The following PLCL2 variants were observed in gnomAD, a reference collection of about 807,000 sequenced individuals.
The protein encoded by PLCL2 is phospholipase C like 2.
PLCL2 carries 4 observed loss-of-function variants against 79.6 expected under a neutral mutation model. The ratio of observed to expected loss-of-function variants is 0.05; its 90% confidence interval spans 0.02 to 0.11. The LOEUF (loss-of-function observed/expected upper bound fraction) is 0.11, where lower values mean the gene tolerates loss of function less well. Ranked by LOEUF, PLCL2 falls within the 10% of genes least tolerant of loss-of-function variation. The probability of loss-of-function intolerance (pLI) is 1.00; values close to 1 mark genes in which losing one functional copy is unlikely to be tolerated. For missense variants in PLCL2, 895 were observed against 1,291.0 expected, an observed-to-expected ratio of 0.69 and a Z score of 4.70; for synonymous variants, 484 against 457.7, an observed-to-expected ratio of 1.06 and a Z score of -0.73.
Position 17,009,678 on chromosome 3 carries a change from G to T in PLCL2, c.332G>T (p.Gly111Val), listed in dbSNP as rs771118894. Reference protein sequence around the residue: ...LPRRSSIIKDGTKQKRERKKT... With the variant: ...LPRRSSIIKDVTKQKRERKKT... Reference sequence around the variant, plus strand: ...ACGGTCTTTTTTTCCTCTCAGGATGGTACAAAACAGAAGAGGGAACGGAAA... The same window carrying T: ...ACGGTCTTTTTTTCCTCTCAGGATGTTACAAAACAGAAGAGGGAACGGAAA... The change falls in exon 2 of 6, where the codon GGT (glycine) becomes GTT (valine). Residue 111 changes from glycine to valine, a missense_variant. Transcript: ENST00000615277. The surrounding 1 kb of genome is among the most constrained non-coding windows in gnomAD (Gnocchi z 4.0). 1.9e-5 allele frequency: 30 copies of T among 1,582,848 alleles called. No homozygotes were observed. Among genetic ancestry groups the T allele is most frequent in the Non-Finnish European group, 2.5e-5 (29 of 1,154,062 alleles).
At chr3:17,027,835 A>G (rs2064534784) in intron 3 of PLCL2, among the ~76,000 whole-genome samples, 1 of 152,236 alleles carries the variant, frequency 6.6e-6, no homozygotes, top group South Asian at 2.1e-4. Flanking sequence ...AGAAACCTAA[A>G]GAAACAAGAG....
chr3:16,994,324 A>G (rs1406346433), intron 1 of PLCL2, among the ~76,000 whole-genome samples: 1 of 152,106 alleles, frequency 6.6e-6, no homozygotes, highest in Non-Finnish European at 1.5e-5. Flanking sequence ...GGCCATGCAG[A>G]TATTGACGTT....
chr3:17,070,089 G>C (rs2065048375), intron 5 of PLCL2, among the ~76,000 whole-genome samples: 1 of 152,082 alleles, frequency 6.6e-6, no homozygotes, highest in African/African-American at 2.4e-5. Context: ...ATAGACATAG[G>C]GACCAAACTT....
intron 3 of PLCL2, among the ~76,000 whole-genome samples, chr3:17,021,631 C>CACA (rs33962872): frequency 2.8e-5 from 4 of 142,822 alleles, no homozygotes; most frequent in Admixed American, 1.4e-4. Flanking sequence ...CACACACACA[C>CACA]CCCAGATACT....
At chr3:17,088,696 A>G (rs554137566) in intron 5 of PLCL2, among the ~76,000 whole-genome samples, 4 of 152,298 alleles carry the variant, frequency 2.6e-5, no homozygotes, top group African/African-American at 7.2e-5. Flanking sequence ...AATGTCTGCA[A>G]ACATTAGGGT....
intron 1 of PLCL2, among the ~76,000 whole-genome samples, chr3:16,977,854 T>C (rs2063942648): frequency 1.3e-5 from 2 of 152,244 alleles, no homozygotes; most frequent in Non-Finnish European, 2.9e-5. Flanking sequence ...CCAATAGATT[T>C]AGCAGAGGTT....
intron 3 of PLCL2, among the ~76,000 whole-genome samples, chr3:17,039,813 G>A (rs1271670846): frequency 6.6e-6 from 1 of 152,144 alleles, no homozygotes; most frequent in Non-Finnish European, 1.5e-5. Flanking sequence ...CCACCCTGAA[G>A]TATTAGTCAT....
intron 4 of PLCL2, among the ~76,000 whole-genome samples, chr3:17,046,778 G>C (rs1161960589): frequency 6.6e-6 from 1 of 152,116 alleles, no homozygotes; most frequent in Non-Finnish European, 1.5e-5. Flanking sequence ...CTGGTCTTGG[G>C]GGGCCTGACA....
At chr3:17,050,712 C>A (rs1428217713) in intron 4 of PLCL2, among the ~76,000 whole-genome samples, 1 of 152,086 alleles carries the variant, frequency 6.6e-6, no homozygotes, top group Non-Finnish European at 1.5e-5. Context: ...TAAATTAGTA[C>A]AACCATTATG....
intron 1 of PLCL2, among the ~76,000 whole-genome samples, chr3:16,947,222 T>G (rs1051353192): frequency 3.3e-5 from 5 of 152,092 alleles, no homozygotes; most frequent in South Asian, 4.1e-4. Context: ...AGTGCTGGGA[T>G]TATAGGCGCG....
At chr3:17,006,496 T>C (rs938812678) in intron 1 of PLCL2, among the ~76,000 whole-genome samples, 1 of 152,214 alleles carries the variant, frequency 6.6e-6, no homozygotes, top group African/African-American at 2.4e-5. Flanking sequence ...CTCTTCCTTA[T>C]TGGTCTCTAA....
intron 4 of PLCL2, among the ~76,000 whole-genome samples, chr3:17,060,348 T>G (rs1440082925): frequency 6.6e-6 from 1 of 152,238 alleles, no homozygotes; most frequent in Non-Finnish European, 1.5e-5. Context: ...ACCTGGTTTA[T>G]CTTTTCCATC....
chr3:16,944,057 C>T (rs2063579564), intron 1 of PLCL2, among the ~76,000 whole-genome samples: 1 of 152,162 alleles, frequency 6.6e-6, no homozygotes, highest in Non-Finnish European at 1.5e-5. Context: ...AATCACAGTG[C>T]AGGGATCCAA....
chr3:16,956,693 G>A (rs2124964778), intron 1 of PLCL2, among the ~76,000 whole-genome samples: 1 of 152,162 alleles, frequency 6.6e-6, no homozygotes, highest in East Asian at 1.9e-4. Flanking sequence ...ATTGATTATT[G>A]CCGCAATTTC....
chr3:17,042,964 GT>G lies in PLCL2; in HGVS notation c.3094+18del. On this transcript the variant is annotated intron_variant, in intron 4 of 5. Transcript: ENST00000615277. ...TCAGAAGGCAGGTAAGTGAAAGTTT[GT>G]TTCCTCTCTTTAAATGAAATTAATA... is the stretch of plus-strand genomic sequence containing the variant. 1 of 1,562,644 alleles carries G rather than the reference GT, an allele frequency of 6.4e-7. No individual in the cohort carries two copies. Among genetic ancestry groups the G allele is most frequent in the Non-Finnish European group, 8.8e-7 (1 of 1,133,450 alleles).
chr3:16,954,352 G>T (rs1374511917), intron 1 of PLCL2, among the ~76,000 whole-genome samples: 1 of 152,158 alleles, frequency 6.6e-6, no homozygotes, highest in Non-Finnish European at 1.5e-5. Flanking sequence ...CAAAGGACAT[G>T]CACTCATCAT....
chr3:16,915,859 TAGAG>T (rs1696982129), intron 1 of PLCL2, among the ~76,000 whole-genome samples: 1 of 152,076 alleles, frequency 6.6e-6, no homozygotes, highest in Non-Finnish European at 1.5e-5. Context: ...AAGGAAAGGA[TAGAG>T]AGAGAAGGAG....
chr3:17,010,975 C>G lies in PLCL2; in HGVS notation c.1629C>G (p.Leu543=), dbSNP rs1278849677. 1.2e-6 allele frequency: 2 copies of G among 1,614,008 alleles called. No individual in the cohort carries two copies. The highest frequency in any genetic ancestry group is 3.3e-5 in the Admixed American group (2 of 60,014). ...TGAAGAAACTTTTAGGAGACAAGCT[C>G]TATACAACATCACCCAATGTTGAGG... The part of the protein sequence containing the change: ...QHMKKLLGDK[L]YTTSPNVEES... Residue 543 remains leucine (L), a synonymous_variant, in exon 2 of 6, where the codon CTC becomes CTG. Coordinates refer to ENST00000615277, the MANE Select transcript of PLCL2 (RefSeq NM_001144382.2). The surrounding 1 kb of genome is among the most constrained non-coding windows in gnomAD (Gnocchi z 5.8).
intron 4 of PLCL2, among the ~76,000 whole-genome samples, chr3:17,045,433 A>G (rs2064770468): frequency 6.6e-6 from 1 of 152,174 alleles, no homozygotes; most frequent in Admixed American, 6.5e-5. Context: ...GGAACATGCT[A>G]TGCTGATGTT....
Sources: gnomAD v4.1 joint callset for allele counts (sites outside exome capture counted in the v4.1 genomes callset) on GRCh38, gnomAD v4.1.1 for gene constraint, Gnocchi (gnomAD v3.1) non-coding constraint, MANE v1.5 for transcripts, NCBI Gene and HGNC (gene_info 2026-07-23, HGNC 2026-07-21) for gene names.